The following ZC3H3 variants were observed in gnomAD, a reference collection of about 807,000 sequenced individuals.
ZC3H3 encodes the protein zinc finger CCCH-type containing 3.
Under a neutral mutation model 77.3 loss-of-function variants are expected in ZC3H3, and 36 were observed. The observed-to-expected ratio is 0.47, with a 90% CI of 0.36 to 0.61. The LOEUF (loss-of-function observed/expected upper bound fraction) is 0.61. Ranked by LOEUF, ZC3H3 falls within the 20% of genes least tolerant of loss-of-function variation. The probability of loss-of-function intolerance (pLI) is 0.00; values close to 1 mark genes in which losing one functional copy is unlikely to be tolerated. For missense variants in ZC3H3, 1,331 were observed against 1,312.2 expected (o/e 1.01, Z -0.22); for synonymous variants, 626 against 555.2 (o/e 1.13, Z -1.79).
chr8:143,521,093 G>T lies in ZC3H3; in HGVS notation c.1562-13194C>A, dbSNP rs544095044. ...ACAGACCCTGGGAGGGGCAGGCCCGGCCCCGCCACAGCCCCTGCCCAGCCC... is the reference window on the plus strand; with the variant it reads ...ACAGACCCTGGGAGGGGCAGGCCCGTCCCCGCCACAGCCCCTGCCCAGCCC... On this transcript the variant is annotated intron_variant, in intron 3 of 11. Transcript: ENST00000262577. 3.3e-5 allele frequency among the ~76,000 whole-genome samples: 5 copies of T among 152,068 alleles called. 1 individual carries two copies. In the South Asian group the frequency reaches 8.3e-4, roughly 25 times the overall value.
At chr8:143,463,131 T>C (rs1358559228) in intron 9 of ZC3H3, among the ~76,000 whole-genome samples, 1 of 152,106 alleles carries the variant, frequency 6.6e-6, no homozygotes, top group Non-Finnish European at 1.5e-5. Flanking sequence ...TTACAGGCAT[T>C]TGCCGCCACA....
At chr8:143,481,031 C>T (rs149200787) in intron 4 of ZC3H3, among the ~76,000 whole-genome samples, 3,980 of 152,320 alleles carry the variant, frequency 0.026, 164 homozygotes, top group African/African-American at 0.091. Flanking sequence ...CTTCCGATTG[C>T]CCAGTCCCAC....
intron 3 of ZC3H3, among the ~76,000 whole-genome samples, chr8:143,517,440 AC>A (rs1253238085): frequency 1.3e-5 from 2 of 152,114 alleles, no homozygotes; most frequent in African/African-American, 4.8e-5. Context: ...TTGGGCCTGT[AC>A]CCCAGGCCGC....
intron 4 of ZC3H3, among the ~76,000 whole-genome samples, chr8:143,480,378 C>T (rs1390843229): frequency 1.3e-5 from 2 of 152,238 alleles, no homozygotes; most frequent in African/African-American, 4.8e-5. Flanking sequence ...CAACCCTGGA[C>T]ACCCACACTC....
chr8:143,499,317 G>A (rs1237203241), intron 4 of ZC3H3, among the ~76,000 whole-genome samples: 4 of 152,072 alleles, frequency 2.6e-5, no homozygotes, highest in African/African-American at 9.7e-5. Context: ...CAACACCCAG[G>A]GCCAGAGCAT....
chr8:143,497,282 C>G (rs927285162), intron 4 of ZC3H3, among the ~76,000 whole-genome samples: 2 of 152,188 alleles, frequency 1.3e-5, no homozygotes, highest in African/African-American at 4.8e-5. Flanking sequence ...CAGGGAGACT[C>G]GGCACCCAGG....
At chr8:143,470,952 C>A (rs2129886461) in intron 5 of ZC3H3, among the ~76,000 whole-genome samples, 1 of 152,308 alleles carries the variant, frequency 6.6e-6, no homozygotes, top group Middle Eastern at 3.4e-3. Flanking sequence ...ATAGACTCGG[C>A]TCCCACCAGC....
rs7824592 is a variant in ZC3H3 at position 143,511,068 on chromosome 8, A to C, written c.1562-3169T>G. 2.6e-5 allele frequency among the ~76,000 whole-genome samples: 4 copies of C among 152,202 alleles called. No individual in the cohort carries two copies. In the East Asian group the frequency reaches 7.7e-4, roughly 29 times the overall value. On this transcript the variant is annotated intron_variant, in intron 3 of 11. Coordinates refer to ENST00000262577, the MANE Select transcript of ZC3H3 (RefSeq NM_015117.3). ...AAACTGCTGGCATCATATGTGAATGAGATATGAGCCCATCCATCAGCAGGG... is the reference window on the plus strand; with the variant it reads ...AAACTGCTGGCATCATATGTGAATGCGATATGAGCCCATCCATCAGCAGGG...
chr8:143,501,018 T>C (rs9314409), intron 4 of ZC3H3, among the ~76,000 whole-genome samples: 68,137 of 148,242 alleles, frequency 0.46, 16,503 homozygotes, highest in East Asian at 0.67. Flanking sequence ...GGTTTCACCA[T>C]GTTGGCCAGG....
chr8:143,450,226 G>C (rs1170870789), intron 9 of ZC3H3, among the ~76,000 whole-genome samples: 1 of 152,170 alleles, frequency 6.6e-6, no homozygotes, highest in Non-Finnish European at 1.5e-5. Flanking sequence ...CTGCTGCCCA[G>C]GCTGGAGTGC....
At chr8:143,482,689 C>T (rs1054187220) in intron 4 of ZC3H3, among the ~76,000 whole-genome samples, 3 of 152,182 alleles carry the variant, frequency 2.0e-5, no homozygotes, top group African/African-American at 7.2e-5. Context: ...GAGGCATGGT[C>T]AGAACACATG....
chr8:143,486,760 A>ACCACCACGAAGC, intron 4 of ZC3H3, among the ~76,000 whole-genome samples: 3 of 150,290 alleles, frequency 2.0e-5, no homozygotes, highest in African/African-American at 7.4e-5. Flanking sequence ...ACACGACCCC[A>ACCACCACGAAGC]TCACCACGAA....
At chr8:143,453,201 C>CT (rs1022994121) in intron 9 of ZC3H3, among the ~76,000 whole-genome samples, 22 of 152,202 alleles carry the variant, frequency 1.4e-4, no homozygotes, top group African/African-American at 5.1e-4. Flanking sequence ...ACTCAGCCAC[C>CT]TGAGTAGCTG....
In ZC3H3 at chr8:143,533,683, G is replaced by A. The variant is rs1443642715; in HGVS notation, c.1561+2574C>T. The stretch of plus-strand genomic sequence containing the variant: ...CTCACTCCATGCAGCCGCCACGCTG[G>A]TCTTTTTTTTTTTTTTTTTTTGAGA... On this transcript the variant is annotated intron_variant, in intron 3 of 11. Transcript: ENST00000262577. The surrounding 1 kb of genome is among the most constrained non-coding windows in gnomAD (Gnocchi z 4.0). Among the ~76,000 whole-genome samples, 1 of 143,792 alleles carries A rather than the reference G, an allele frequency of 7.0e-6. No homozygotes were observed. The highest frequency in any genetic ancestry group is 1.5e-5 in the Non-Finnish European group (1 of 65,668). The allele number at this position is 143,792 out of a possible 152,430, so 94.3% of individuals were successfully genotyped here. A position where few individuals can be genotyped will look rare whatever the true frequency, so the allele number is the denominator to read the frequency against.
At chr8:143,467,182 A>C (rs1008169033) in intron 8 of ZC3H3, among the ~76,000 whole-genome samples, 2 of 152,204 alleles carry the variant, frequency 1.3e-5, no homozygotes, top group Admixed American at 1.3e-4. Flanking sequence ...TATAGAGCCC[A>C]AATTAGCTCT....
At chr8:143,469,616 G>A (rs985238499) in intron 5 of ZC3H3, among the ~76,000 whole-genome samples, 1 of 152,238 alleles carries the variant, frequency 6.6e-6, no homozygotes, top group African/African-American at 2.4e-5. Flanking sequence ...GTGGTGGCAG[G>A]AAGGAAATGG....
rs966863143 is a variant in ZC3H3, at chr8:143,513,556, G to A, written c.1562-5657C>T. ...AGAAACAGCCATGAAAACTCCAACA[G>A]AGCATGTGGCCCATGTTCCCGAGAG... On this transcript the variant is annotated intron_variant, in intron 3 of 11. Coordinates refer to ENST00000262577, the MANE Select transcript of ZC3H3 (RefSeq NM_015117.3). 2.6e-5 allele frequency among the ~76,000 whole-genome samples: 4 copies of A among 152,228 alleles called. No individual in the cohort carries two copies. The East Asian group carries it at 5.8e-4, about 22-fold the overall frequency.
intron 9 of ZC3H3, among the ~76,000 whole-genome samples, chr8:143,454,633 G>A (rs1189486391): frequency 2.0e-5 from 3 of 151,404 alleles, no homozygotes; most frequent in Admixed American, 6.6e-5. Flanking sequence ...GGATGGTCTC[G>A]ATCTCTTGAC....
intron 3 of ZC3H3, among the ~76,000 whole-genome samples, chr8:143,512,785 C>T (rs542517911): frequency 6.6e-6 from 1 of 152,354 alleles, no homozygotes; most frequent in South Asian, 2.1e-4. Flanking sequence ...GCGCCAGGGA[C>T]GAGGCAACGT....
Sources: gnomAD v4.1 joint callset for allele counts (sites outside exome capture counted in the v4.1 genomes callset) on GRCh38, gnomAD v4.1.1 for gene constraint, Gnocchi (gnomAD v3.1) non-coding constraint, MANE v1.5 for transcripts, NCBI Gene and HGNC (gene_info 2026-07-23, HGNC 2026-07-21) for gene names.